The following SYCP2 variants were observed in gnomAD, a reference collection of about 807,000 sequenced individuals.
SYCP2 encodes the protein synaptonemal complex lateral element protein.
In SYCP2, 55 loss-of-function variants were observed where a neutral mutation model predicts 211.3. The ratio of observed to expected loss-of-function variants is 0.26; its 90% CI spans 0.21 to 0.33. SYCP2 has a LOEUF of 0.33. SYCP2 is among the 10% of genes least tolerant of loss of function. SYCP2 has a pLI of 1.00. For missense variants in SYCP2, 1,731 were observed against 1,752.0 expected (o/e 0.99, Z 0.21); for synonymous variants, 570 against 555.2 (o/e 1.03, Z -0.37).
chr20:59,896,010 G>A (rs1472114601), intron 19 of SYCP2, among the ~76,000 whole-genome samples: 2 of 151,964 alleles, frequency 1.3e-5, no homozygotes, highest in Admixed American at 1.3e-4. Context: ...CTTATTAAAT[G>A]AGTGATTTTT....
intron 15 of SYCP2, among the ~76,000 whole-genome samples, chr20:59,903,828 T>C (rs1469792349): frequency 3.9e-5 from 6 of 152,136 alleles, no homozygotes; most frequent in African/African-American, 9.7e-5. Context: ...GACTGCCAAG[T>C]AGCAGTGAGA....
At position 59,892,301 on chromosome 20, in the gene SYCP2, C is replaced by T. The variant is rs764571651; in HGVS notation, c.2053G>A (p.Ala685Thr). The change falls in exon 24 of 45, where the codon GCA (alanine) becomes ACA (threonine). Residue 685 changes from alanine (A) to threonine (T), a missense_variant. Around this residue, in one of 3 missense-constraint regions of SYCP2, gnomAD observed 1,387 missense variants for 1,351.3 expected, o/e 1.03. Coordinates refer to ENST00000357552, the MANE Select transcript of SYCP2 (RefSeq NM_014258.4). ...TGTTTCTTGCAAACTTCTACTTCTG[C>T]TTTATCTATTTTGATATGGTCGGTT... ...EQTDHIKIDK[A>T]EVEVCKKHNQ... 1.2e-6 allele frequency: 2 copies of T among 1,611,986 alleles called. No individual in the cohort carries two copies. Among genetic ancestry groups the T allele is most frequent in the African/African-American group, 1.3e-5 (1 of 74,814 alleles).
At chr20:59,881,910 G>A (rs779785766) in intron 28 of SYCP2, 35 bp downstream of exon 28, 1 of 1,541,116 alleles carries the variant, frequency 6.5e-7, no homozygotes. Flanking sequence ...TGTAACTTCT[G>A]AGTAAATACA....
intron 38 of SYCP2, 64 bp from the exon 39 acceptor site, chr20:59,867,911 T>A: frequency 8.2e-7 from 1 of 1,218,400 alleles, no homozygotes; most frequent in Non-Finnish European, 1.2e-6. Context: ...GCCTTGTAAT[T>A]AGGCTAAGAA....
intron 26 of SYCP2, among the ~76,000 whole-genome samples, chr20:59,882,997 T>G (rs947127364): frequency 3.9e-5 from 6 of 152,140 alleles, no homozygotes; most frequent in Non-Finnish European, 8.8e-5. Context: ...TGTAACATTC[T>G]CCTTAAACTG....
At position 59,873,841 on chromosome 20, in the gene SYCP2, T is replaced by C; in HGVS notation, c.3555+15A>G. 6.3e-7 allele frequency: 1 copy of C among 1,585,012 alleles called. No individual in the cohort carries two copies. The highest frequency in any genetic ancestry group is 1.4e-5 in the African/African-American group (1 of 73,386). On this transcript the variant is annotated intron_variant, in intron 35 of 44. Coordinates refer to ENST00000357552, the MANE Select transcript of SYCP2 (RefSeq NM_014258.4). ...GATATATCTGATAAAGAGAAAAATA[T>C]ATATACATTCTCACCAAAAACAGTG...
Position 59,899,646 on chromosome 20 carries a change from CAG to C in SYCP2, c.1404+490_1404+491del, listed in dbSNP as rs149366098. ...AGCTGAAGGAGCGGACCTTAAGAAACAGGGGGCTATCGACAATGTCAAGTGTC... is the reference window on the plus strand; with the variant it reads ...AGCTGAAGGAGCGGACCTTAAGAAACGGGGCTATCGACAATGTCAAGTGTC... On this transcript the variant is annotated intron_variant, in intron 18 of 44. Transcript: ENST00000357552. 9.7e-3 allele frequency among the ~76,000 whole-genome samples: 1,478 copies of C among 152,228 alleles called. 19 individuals are homozygous for C. The highest frequency in any genetic ancestry group is 0.016 in the Non-Finnish European group (1,103 of 68,004).
At chr20:59,875,725 T>C (rs2059541780) in intron 33 of SYCP2, among the ~76,000 whole-genome samples, 1 of 152,102 alleles carries the variant, frequency 6.6e-6, no homozygotes, top group South Asian at 2.1e-4. Context: ...GTTCAAAGAT[T>C]ATATCCAGTT....
intron 14 of SYCP2, 102 bp from the exon 15 acceptor site, chr20:59,907,526 C>A: frequency 2.2e-6 from 2 of 901,194 alleles, no homozygotes; most frequent in East Asian, 2.6e-5. Context: ...ATTCTTTTTG[C>A]TAGTCACTAA....
chr20:59,912,524 CATA>C (rs1473318460), intron 12 of SYCP2, 106 bp from the exon 13 acceptor site: 1 of 456,902 alleles, frequency 2.2e-6, no homozygotes, highest in East Asian at 4.8e-5. Context: ...AGGCAGTGGT[CATA>C]ATAATTGAAA....
intron 39 of SYCP2, 123 bp downstream of exon 39, chr20:59,867,583 TATAAG>T: frequency 5.9e-6 from 4 of 681,818 alleles, no homozygotes; most frequent in Non-Finnish European, 9.6e-6. Flanking sequence ...ATTATTCACA[TATAAG>T]GAAAGTTGGT....
chr20:59,931,928 A>G (rs867792007), intron 2 of SYCP2, 134 bp downstream of exon 2: 1 of 152,218 alleles, frequency 6.6e-6, no homozygotes, highest in Non-Finnish European at 1.5e-5. Flanking sequence ...AAAAGAAACA[A>G]AAGTTATACA....
At chr20:59,868,703 T>A in intron 37 of SYCP2, 132 bp downstream of exon 37, 10 of 1,237,092 alleles carry the variant, frequency 8.1e-6, no homozygotes, top group Non-Finnish European at 1.1e-5. Context: ...ATGCATTCAA[T>A]TCTACCTAGT....
intron 2 of SYCP2, among the ~76,000 whole-genome samples, chr20:59,931,478 T>C (rs2060739526): frequency 6.7e-6 from 1 of 149,616 alleles, no homozygotes; most frequent in African/African-American, 2.4e-5. Flanking sequence ...CTATTTTATT[T>C]TACAATGTGA....
chr20:59,907,703 C>A (rs898883949), intron 14 of SYCP2, among the ~76,000 whole-genome samples: 1 of 152,040 alleles, frequency 6.6e-6, no homozygotes, highest in African/African-American at 2.4e-5. Flanking sequence ...TTAGAGGATA[C>A]CCTTTTTAAA....
rs774143879 is a variant in SYCP2 at position 59,873,844 on chromosome 20, A to G, written c.3555+12T>C. ...ATATCTGATAAAGAGAAAAATATAT[A>G]TACATTCTCACCAAAAACAGTGGTC... On this transcript the variant is annotated intron_variant, in intron 35 of 44. Transcript: ENST00000357552. 4.4e-6 allele frequency: 7 copies of G among 1,593,658 alleles called. No individual in the cohort carries two copies. Among genetic ancestry groups the G allele is most frequent in the African/African-American group, 2.7e-5 (2 of 73,844 alleles).
At chr20:59,880,130 A>T (rs1014093652) in intron 31 of SYCP2, among the ~76,000 whole-genome samples, 173 bp downstream of exon 31, 4 of 151,456 alleles carry the variant, frequency 2.6e-5, no homozygotes, top group Non-Finnish European at 4.4e-5. Flanking sequence ...AAAAATAAAT[A>T]TAACCGTATT....
At chr20:59,870,362 A>T (rs985916606) in intron 35 of SYCP2, among the ~76,000 whole-genome samples, 1 of 151,846 alleles carries the variant, frequency 6.6e-6, no homozygotes, top group African/African-American at 2.4e-5. Flanking sequence ...AAAATTCAGC[A>T]AGGTTGTTGG....
chr20:59,921,330 C>T lies in SYCP2; in HGVS notation c.148G>A (p.Val50Met), dbSNP rs1313804691. Reference protein sequence around the residue: ...IKCSKQFFHKVDNLICRELNK... With the variant: ...IKCSKQFFHKMDNLICRELNK... ...TTTACCCTGCATATAAGGTTGTCCACCTTGTGGAAAAACTGTTTGCTGCAT... is the reference window on the plus strand; with the variant it reads ...TTTACCCTGCATATAAGGTTGTCCATCTTGTGGAAAAACTGTTTGCTGCAT... Residue 50 changes from valine to methionine, a missense_variant, in exon 4 of 45, where the codon GTG becomes ATG. Transcript: ENST00000357552. 3 of 1,603,172 alleles carry T rather than the reference C, an allele frequency of 1.9e-6. No individual in the cohort carries two copies. Among genetic ancestry groups the T allele is most frequent in the Non-Finnish European group, 2.6e-6 (3 of 1,174,140 alleles).
Sources: gnomAD v4.1 joint callset for allele counts (sites outside exome capture counted in the v4.1 genomes callset) on GRCh38, gnomAD v4.1.1 for gene constraint, gnomAD v4.1.1 regional missense constraint, MANE v1.5 for transcripts, NCBI Gene and HGNC (gene_info 2026-07-23, HGNC 2026-07-21) for gene names.